Variants in FRMD6 observed in about 807,000 individuals in gnomAD.
FRMD6 encodes FERM domain containing 6, also known as FERM domain-containing protein 6.
In FRMD6, 37 loss-of-function variants were observed where a neutral mutation model predicts 73.2. That is an observed-to-expected ratio of 0.51 (90% CI 0.39 to 0.66). The LOEUF is 0.66. Among genes scored for constraint, FRMD6 ranks in the 30% least tolerant of loss-of-function variants. FRMD6 has a pLI of 0.00. For synonymous variants in FRMD6, 273 were observed against 282.2 expected (o/e 0.97, Z 0.33); for missense variants, 714 against 780.5 (o/e 0.91, Z 1.02).
the FRMD6 span, among the ~76,000 whole-genome samples, chr14:51,457,499 T>C: frequency 6.6e-6 from 1 of 152,180 alleles, no homozygotes; most frequent in Non-Finnish European, 1.5e-5. Context: ...TTATTTTCCA[T>C]TTGAAGCTAA....
chr14:51,689,875 A>G lies in FRMD6; in HGVS notation c.39A>G (p.Gln13=). 3 of 1,613,562 alleles carry G rather than the reference A, an allele frequency of 1.9e-6. No individual in the cohort carries two copies. The highest frequency in any genetic ancestry group is 2.5e-6 in the Non-Finnish European group (3 of 1,179,652). The change falls in exon 2 of 14, where the codon CAA becomes CAG. Residue 13 remains glutamine (Q), a synonymous_variant. Coordinates refer to ENST00000344768, the MANE Select transcript of FRMD6 (RefSeq NM_001267046.2). The part of the protein sequence containing the change: ...KLNFHNNRVM[Q]DRRSVCIFLP... Reference sequence around the variant, plus strand: ...ATTTTCATAACAACAGAGTCATGCAAGACCGCCGCAGTGTGTGCATTTTCC... The same window carrying G: ...ATTTTCATAACAACAGAGTCATGCAGGACCGCCGCAGTGTGTGCATTTTCC...
chr14:51,662,671 G>C (rs1327698571), intron 1 of FRMD6, among the ~76,000 whole-genome samples: 1 of 152,162 alleles, frequency 6.6e-6, no homozygotes, highest in East Asian at 1.9e-4. Flanking sequence ...AAGCTTAAAT[G>C]TAAAGCCCCA....
At chr14:51,675,083 A>T (rs1463847072) in intron 1 of FRMD6, among the ~76,000 whole-genome samples, 1 of 152,196 alleles carries the variant, frequency 6.6e-6, no homozygotes, top group Non-Finnish European at 1.5e-5. Context: ...ATGTTGCTAG[A>T]TAGGTAAGTA....
At chr14:51,461,525 A>G in the FRMD6 span, among the ~76,000 whole-genome samples, 4 of 152,232 alleles carry the variant, frequency 2.6e-5, no homozygotes, top group Non-Finnish European at 5.9e-5. Context: ...TGCTGAAACC[A>G]CTATGAATAA....
Position 51,505,961 on chromosome 14 carries a change from A to G in FRMD6, c.-210+16541A>G, listed in dbSNP as rs188929940. On this transcript the variant is annotated intron_variant, in intron 1 of 14. Transcript: ENST00000356218. ...TTCCATATTACTGCCAAAATTAACC[A>G]TCTGAACACAAATCTGATCACCATT... is the stretch of plus-strand genomic sequence containing the variant. 7.2e-5 allele frequency among the ~76,000 whole-genome samples: 11 copies of G among 152,152 alleles called. No homozygotes were observed. The East Asian group carries it at 1.2e-3, about 16-fold the overall frequency.
In FRMD6 at chr14:51,644,530, C is replaced by T. The variant is rs930939823; in HGVS notation, c.-146-45161C>T. Among the ~76,000 whole-genome samples the T allele has an allele frequency of 5.3e-5, 8 of 152,074 alleles. No homozygotes were observed. In the South Asian group the frequency reaches 1.0e-3, roughly 20 times the overall value. ...TAGAGAGATTTTAGATCTGTGCTCA[C>T]GTGAAGCTTAAATTCTAAAAGGAGA... On this transcript the variant is annotated intron_variant, in intron 2 of 14. Transcript: ENST00000356218.
At chr14:51,549,665 A>G (rs141448227) in intron 1 of FRMD6, among the ~76,000 whole-genome samples, 26,805 of 132,300 alleles carry the variant, frequency 0.2, 2,607 homozygotes, top group Middle Eastern at 0.39. Context: ...GCGCACTCTC[A>G]GCTCACTGCA....
At chr14:51,528,946 CTCT>C (rs1885420224) in intron 1 of FRMD6, among the ~76,000 whole-genome samples, 1 of 152,198 alleles carries the variant, frequency 6.6e-6, no homozygotes, top group Non-Finnish European at 1.5e-5. Context: ...GTGCTAATCT[CTCT>C]TCTTCTGTTA....
intron 1 of FRMD6, among the ~76,000 whole-genome samples, chr14:51,512,100 G>T (rs549362853): frequency 6.6e-6 from 1 of 152,140 alleles, no homozygotes; most frequent in South Asian, 2.1e-4. Context: ...GCTAACTTTT[G>T]GGTCTTGCCT....
At chr14:51,488,022 TGTA>T (rs1443594636), upstream of FRMD6, among the ~76,000 whole-genome samples, 1 of 152,210 alleles carries the variant, frequency 6.6e-6, no homozygotes, top group Non-Finnish European at 1.5e-5. Flanking sequence ...GTTCAAACGA[TGTA>T]GTAACGAGAT....
intron 2 of FRMD6, among the ~76,000 whole-genome samples, chr14:51,622,552 G>C (rs1890964120): frequency 6.6e-6 from 1 of 152,158 alleles, no homozygotes. Context: ...TGAGCTTCAA[G>C]TTCTTTCATA....
chr14:51,717,712 C>A (rs958254147), intron 10 of FRMD6, among the ~76,000 whole-genome samples: 8 of 152,104 alleles, frequency 5.3e-5, no homozygotes, highest in African/African-American at 1.9e-4. Flanking sequence ...ATCATTTTAA[C>A]ATGAAAAGCC....
the FRMD6 span, among the ~76,000 whole-genome samples, chr14:51,480,760 A>G: frequency 6.6e-6 from 1 of 152,146 alleles, no homozygotes; most frequent in African/African-American, 2.4e-5. Flanking sequence ...CTACCTCACA[A>G]TGATATTGTG....
the FRMD6 span, among the ~76,000 whole-genome samples, chr14:51,477,121 A>C: frequency 7.9e-5 from 12 of 152,216 alleles, no homozygotes; most frequent in African/African-American, 2.7e-4. Context: ...AAGAGATCTG[A>C]GATGAATTAA....
intron 1 of FRMD6, among the ~76,000 whole-genome samples, chr14:51,687,133 A>G (rs1895218293): frequency 6.6e-6 from 1 of 152,172 alleles, no homozygotes; most frequent in Admixed American, 6.5e-5. Flanking sequence ...TTGTACCCAA[A>G]TGAAAATTTC....
Position 51,575,114 on chromosome 14 carries a change from C to A in FRMD6, c.-147+4704C>A, listed in dbSNP as rs141032672. On this transcript the variant is annotated intron_variant, in intron 2 of 14. Transcript: ENST00000356218. ...ACTTTTATGCCTAGAGAGATGATGCCCCACCAGTCACTCAAAATGGCTACT... is the reference window on the plus strand; with the variant it reads ...ACTTTTATGCCTAGAGAGATGATGCACCACCAGTCACTCAAAATGGCTACT... Among the ~76,000 whole-genome samples, 4 of 152,204 alleles carry A rather than the reference C, an allele frequency of 2.6e-5. No homozygotes were observed. In the East Asian group the frequency reaches 7.7e-4, roughly 29 times the overall value.
the FRMD6 span, among the ~76,000 whole-genome samples, chr14:51,424,112 A>G: frequency 6.4e-4 from 97 of 152,352 alleles, no homozygotes; most frequent in African/African-American, 2.1e-3. Flanking sequence ...TCATTTTATT[A>G]GCAAGGTACA....
At chr14:51,406,449 C>T in the FRMD6 span, among the ~76,000 whole-genome samples, 1 of 152,066 alleles carries the variant, frequency 6.6e-6, no homozygotes, top group Non-Finnish European at 1.5e-5. Flanking sequence ...TCTTCCTAGC[C>T]ATGAGCATGC....
Position 51,720,187 on chromosome 14 carries a change from C to T in FRMD6, c.1157C>T (p.Thr386Ile), listed in dbSNP as rs948673475. The change falls in exon 11 of 14, where the codon ACC becomes ATC. Residue 386 changes from threonine (T) to isoleucine (I), a missense_variant. Physicochemically the swap from Thr to Ile is moderately conservative, Grantham distance 89. Coordinates refer to ENST00000344768, the MANE Select transcript of FRMD6 (RefSeq NM_001267046.2). ...MKHKRLSRHS[T>I]ASHSSSHTSG... ...CACAAGCGCCTGTCCCGTCATTCCA[C>T]CGCCAGCCACAGCAGTTCCCACACC... The T allele has an allele frequency of 1.2e-6, 2 of 1,613,942 alleles. No homozygotes were observed. The highest frequency in any genetic ancestry group is 2.7e-5 in the African/African-American group (2 of 74,910).
Sources: gnomAD v4.1 joint callset for allele counts (sites outside exome capture counted in the v4.1 genomes callset) on GRCh38, gnomAD v4.1.1 for gene constraint, MANE v1.5 for transcripts, NCBI Gene and HGNC (gene_info 2026-07-23, HGNC 2026-07-21) for gene names.